The following FHIT variants were observed in gnomAD, a reference collection of about 807,000 sequenced individuals.
FHIT encodes the protein bis(5'-adenosyl)-triphosphatase.
FHIT carries 19 observed loss-of-function variants against 17.9 expected under a neutral mutation model. The ratio of observed to expected loss-of-function variants is 1.06; its 90% CI spans 0.74 to 1.56. FHIT has a LOEUF of 1.56. Among genes scored for constraint, FHIT ranks in the 40% most tolerant of loss-of-function variants. The pLI, the probability that FHIT is intolerant of heterozygous loss-of-function variation, is 0.00. For synonymous variants in FHIT, 81 were observed against 69.7 expected, an observed-to-expected ratio of 1.16 and a Z score of -0.81; for missense variants, 248 against 189.2, an observed-to-expected ratio of 1.31 and a Z score of -1.82.
chr3:61,193,617 C>T (rs927217689), intron 2 of FHIT, among the ~76,000 whole-genome samples: 9 of 152,150 alleles, frequency 5.9e-5, no homozygotes, highest in Non-Finnish European at 4.4e-5. Flanking sequence ...AAAAAGTAAC[C>T]AGTTATGCAT....
At chr3:60,430,152 G>A (rs1234487633) in intron 5 of FHIT, among the ~76,000 whole-genome samples, 6 of 152,014 alleles carry the variant, frequency 3.9e-5, no homozygotes, top group African/African-American at 1.2e-4. Context: ...GTATTAAAAA[G>A]ATGCCCTCAG....
chr3:60,494,311 C>T (rs2034199162), intron 5 of FHIT, among the ~76,000 whole-genome samples: 2 of 152,060 alleles, frequency 1.3e-5, no homozygotes, highest in South Asian at 4.1e-4. Flanking sequence ...TAATATGCGA[C>T]TTTTAGTGTA....
chr3:60,349,101 A>C (rs1036053691), intron 5 of FHIT, among the ~76,000 whole-genome samples: 1 of 152,244 alleles, frequency 6.6e-6, no homozygotes, highest in African/African-American at 2.4e-5. Flanking sequence ...CAAATAGAAC[A>C]TCAGGTTGCA....
At chr3:60,074,338 A>G (rs1157528543) in intron 5 of FHIT, among the ~76,000 whole-genome samples, 1 of 151,620 alleles carries the variant, frequency 6.6e-6, no homozygotes. Context: ...TTGGATGGAA[A>G]TTTTCTCTTG....
intron 5 of FHIT, among the ~76,000 whole-genome samples, chr3:60,277,051 C>G (rs762116176): frequency 2.2e-4 from 33 of 152,062 alleles, no homozygotes; most frequent in African/African-American, 6.3e-4. Context: ...GCAGCTAGAA[C>G]TTTCAGTTAC....
chr3:61,188,926 C>T (rs1330973011), intron 2 of FHIT, among the ~76,000 whole-genome samples: 5 of 151,924 alleles, frequency 3.3e-5, no homozygotes, highest in Admixed American at 2.0e-4. Flanking sequence ...ATTGATGGGA[C>T]ATATCTCAAA....
Position 60,981,043 on chromosome 3 carries a change from C to T in FHIT, c.-111+61004G>A, listed in dbSNP as rs777660883. The stretch of plus-strand genomic sequence containing the variant: ...AGCCATGGACCCTGTCTCTAGTGTC[C>T]TCCTGGAGAAGGGTGTTTCCTTTCC... On this transcript the variant is annotated intron_variant, in intron 3 of 9. Coordinates refer to ENST00000492590, the MANE Select transcript of FHIT (RefSeq NM_002012.4). Among the ~76,000 whole-genome samples, 33 of 152,258 alleles carry T rather than the reference C, an allele frequency of 2.2e-4. No individual in the cohort carries two copies. The Middle Eastern group carries it at 0.01, about 47-fold the overall frequency.
chr3:60,392,739 T>G (rs1701281758), intron 5 of FHIT, among the ~76,000 whole-genome samples: 1 of 152,168 alleles, frequency 6.6e-6, no homozygotes, highest in Non-Finnish European at 1.5e-5. Context: ...CGCATGATCC[T>G]GAAGATAAAG....
At position 60,894,090 on chromosome 3, in the gene FHIT, G is replaced by T. The variant is rs150579939; in HGVS notation, c.-110-72079C>A. Among the ~76,000 whole-genome samples, 16 of 152,236 alleles carry T rather than the reference G, an allele frequency of 1.1e-4. No individual in the cohort carries two copies. In the East Asian group the frequency reaches 2.5e-3, roughly 24 times the overall value. On this transcript the variant is annotated intron_variant, in intron 3 of 9. Transcript: ENST00000492590. Reference sequence around the variant, plus strand: ...CCTCACTAACTACATCAAACATTTAGCATGCTTTTTATTGTGGGGATGGGG... The same window carrying T: ...CCTCACTAACTACATCAAACATTTATCATGCTTTTTATTGTGGGGATGGGG...
intron 8 of FHIT, among the ~76,000 whole-genome samples, chr3:59,879,328 T>A (rs576420847): frequency 1.3e-5 from 2 of 152,312 alleles, no homozygotes; most frequent in East Asian, 1.9e-4. Flanking sequence ...AACATGAGGA[T>A]ACATTGATAT....
intron 4 of FHIT, among the ~76,000 whole-genome samples, chr3:60,547,529 C>T (rs1342397758): frequency 1.3e-5 from 2 of 152,046 alleles, no homozygotes; most frequent in African/African-American, 4.8e-5. Flanking sequence ...TTATTTGGGA[C>T]TAAAAATATA....
chr3:61,059,266 A>G (rs1213150821), intron 2 of FHIT, among the ~76,000 whole-genome samples: 1 of 152,220 alleles, frequency 6.6e-6, no homozygotes, highest in Non-Finnish European at 1.5e-5. Flanking sequence ...ACAGCTAACT[A>G]AAGTAATTCA....
intron 7 of FHIT, among the ~76,000 whole-genome samples, chr3:59,999,203 A>T (rs1699633313): frequency 1.3e-5 from 2 of 152,082 alleles, no homozygotes; most frequent in African/African-American, 4.8e-5. Flanking sequence ...TGCATATTTT[A>T]AAAAAGGGCA....
intron 8 of FHIT, among the ~76,000 whole-genome samples, chr3:59,914,775 G>C (rs998122243): frequency 1.3e-5 from 2 of 150,554 alleles, no homozygotes; most frequent in Non-Finnish European, 3.0e-5. Context: ...TCTTTACCTA[G>C]TTTATCCATT....
chr3:60,228,666 C>T (rs528927415), intron 5 of FHIT, among the ~76,000 whole-genome samples: 4 of 152,204 alleles, frequency 2.6e-5, no homozygotes, highest in South Asian at 2.1e-4. Context: ...AATAATGCTA[C>T]GACTTTTAGG....
At chr3:60,647,786 A>G (rs77094142) in intron 4 of FHIT, among the ~76,000 whole-genome samples, 2,974 of 152,116 alleles carry the variant, frequency 0.02, 103 homozygotes, top group African/African-American at 0.066. Context: ...AAATATGTAG[A>G]ATACATACAA....
intron 4 of FHIT, among the ~76,000 whole-genome samples, chr3:60,713,996 A>G (rs1577104843): frequency 6.6e-6 from 1 of 152,024 alleles, no homozygotes. Context: ...AGAATTTTAG[A>G]CCAATATCCT....
intron 5 of FHIT, among the ~76,000 whole-genome samples, chr3:60,322,501 G>C (rs1262596557): frequency 1.3e-5 from 2 of 152,200 alleles, no homozygotes; most frequent in Non-Finnish European, 2.9e-5. Flanking sequence ...TTAACAAGAA[G>C]TCTAAGGTCC....
At chr3:60,879,871 TTAA>T (rs1295311510) in intron 3 of FHIT, among the ~76,000 whole-genome samples, 11 of 151,868 alleles carry the variant, frequency 7.2e-5, no homozygotes, top group African/African-American at 2.4e-4. Context: ...AAAAGAGTTT[TTAA>T]AAAAGACTAC....
Sources: allele counts gnomAD v4.1 joint callset (sites outside exome capture counted in the v4.1 genomes callset), GRCh38; gene constraint gnomAD v4.1.1; transcripts MANE v1.5; gene names NCBI Gene and HGNC (gene_info 2026-07-23, HGNC 2026-07-21).